Variants in SEMA5A observed in about 807,000 individuals in gnomAD.
The protein encoded by SEMA5A is semaphorin-5A.
Under a neutral mutation model 135.5 loss-of-function variants are expected in SEMA5A, and 55 were observed. The ratio of observed to expected loss-of-function variants is 0.41; its 90% CI spans 0.33 to 0.51. The LOEUF (loss-of-function observed/expected upper bound fraction) is 0.51, where lower values mean the gene tolerates loss of function less well. Among genes scored for constraint, SEMA5A ranks in the 20% least tolerant of loss-of-function variants. The pLI is 0.37. For synonymous variants in SEMA5A, 580 were observed against 546.5 expected, an observed-to-expected ratio of 1.06 and a Z score of -0.85; for missense variants, 1,290 against 1,419.9, an observed-to-expected ratio of 0.91 and a Z score of 1.47.
Position 9,050,478 on chromosome 5 carries a change from TCA to T in SEMA5A, c.2846-23_2846-22del, listed in dbSNP as rs759286431. ...TACTTCTGGAAAAAGAAAAGTCGAATCACAATGTGTAAAAGGTGTTCAGAAGA... is the reference window on the plus strand; with the variant it reads ...TACTTCTGGAAAAAGAAAAGTCGAATCAATGTGTAAAAGGTGTTCAGAAGA... On this transcript the variant is annotated intron_variant, in intron 20 of 22. Transcript: ENST00000382496. The T allele has an allele frequency of 1.9e-6, 3 of 1,609,608 alleles. No homozygotes were observed. In the African/African-American group the frequency reaches 4.0e-5, roughly 22 times the overall value.
At position 9,036,124 on chromosome 5, in the gene SEMA5A, T is replaced by C. The variant is rs895343063; in HGVS notation, c.*6773A>G. The stretch of plus-strand genomic sequence containing the variant: ...TATGCACTTTTGAAGAATCCAACAT[T>C]GGACCAAAAGTTTGTGCATTTTCTT... On this transcript the variant is annotated 3_prime_UTR_variant, in exon 23 of 23. Transcript: ENST00000382496. 3.9e-5 allele frequency: 6 copies of C among 152,148 alleles called. No homozygotes were observed. The highest frequency in any genetic ancestry group is 1.4e-4 in the African/African-American group (6 of 41,436). 9.4% of individuals were successfully genotyped at this position (152,148 alleles called of 1,614,324 possible).
chr5:9,145,026 C>CTT (rs34003876), intron 12 of SEMA5A, among the ~76,000 whole-genome samples: 18 of 149,236 alleles, frequency 1.2e-4, no homozygotes, highest in East Asian at 5.9e-4. Flanking sequence ...GTCATTTTTA[C>CTT]TTTTTTTTTT....
At chr5:9,337,266 T>C (rs770442745) in intron 4 of SEMA5A, among the ~76,000 whole-genome samples, 1 of 152,216 alleles carries the variant, frequency 6.6e-6, no homozygotes, top group Non-Finnish European at 1.5e-5. Context: ...TCTGGATCTC[T>C]AGAATCCTAC....
At chr5:9,275,410 G>A (rs547725440) in intron 5 of SEMA5A, among the ~76,000 whole-genome samples, 1 of 152,202 alleles carries the variant, frequency 6.6e-6, no homozygotes, top group African/African-American at 2.4e-5. Context: ...GGTACAAAGA[G>A]AAGCTGGTAC....
At chr5:9,058,660 T>C (rs1737021274) in intron 18 of SEMA5A, among the ~76,000 whole-genome samples, 1 of 152,178 alleles carries the variant, frequency 6.6e-6, no homozygotes, top group Admixed American at 6.5e-5. Flanking sequence ...CAATGTACAA[T>C]TGCCAGAGAC....
At chr5:9,447,342 T>C (rs1204186214) in intron 1 of SEMA5A, among the ~76,000 whole-genome samples, 2 of 152,206 alleles carry the variant, frequency 1.3e-5, no homozygotes. Context: ...CGTTTTGCCT[T>C]GGAAGACAAA....
At chr5:9,087,539 ATATT>A (rs1380452722) in intron 16 of SEMA5A, among the ~76,000 whole-genome samples, 1 of 151,276 alleles carries the variant, frequency 6.6e-6, no homozygotes, top group Non-Finnish European at 1.5e-5. Context: ...TATTTTTATT[ATATT>A]TATTTATTTT....
At chr5:9,311,486 C>G (rs894871211) in intron 5 of SEMA5A, among the ~76,000 whole-genome samples, 1 of 150,716 alleles carries the variant, frequency 6.6e-6, no homozygotes, top group Admixed American at 6.7e-5. Flanking sequence ...AGTAAACTAT[C>G]GCAAGGACAA....
intron 16 of SEMA5A, among the ~76,000 whole-genome samples, chr5:9,106,269 T>A (rs1739910716): frequency 6.6e-6 from 1 of 152,222 alleles, no homozygotes; most frequent in Non-Finnish European, 1.5e-5. Flanking sequence ...TTACATTTGT[T>A]TCATAAACTG....
intron 11 of SEMA5A, among the ~76,000 whole-genome samples, chr5:9,162,582 A>G (rs868009115): frequency 8.0e-6 from 1 of 125,022 alleles, no homozygotes; most frequent in African/African-American, 3.7e-5. Context: ...ATATATATAT[A>G]TATACACACA....
Position 9,108,153 on chromosome 5 carries a change from G to C in SEMA5A, c.2060C>G (p.Ala687Gly). 1 of 1,614,042 alleles carries C rather than the reference G, an allele frequency of 6.2e-7. No individual in the cohort carries two copies. Among genetic ancestry groups the C allele is most frequent in the Non-Finnish European group, 8.5e-7 (1 of 1,179,958 alleles). ...RRICENGPDC[A>G]GCNVEYQSCN... ...AAGGCTACTCACCACATTGCAGCCT[G>C]CACAGTCAGGCCCATTCTCACAGAT... The change falls in exon 16 of 23, where the codon GCA (alanine) becomes GGA (glycine). Residue 687 changes from alanine to glycine, a missense_variant. By Grantham distance (60) the Ala-to-Gly change is moderately conservative. This residue lies in a region of SEMA5A where 1,029 missense variants were observed against 1,086.6 expected (regional missense o/e 0.95). Coordinates refer to ENST00000382496, the MANE Select transcript of SEMA5A (RefSeq NM_003966.3).
intron 10 of SEMA5A, among the ~76,000 whole-genome samples, chr5:9,192,214 A>G (rs1172499269): frequency 6.6e-6 from 1 of 152,252 alleles, no homozygotes; most frequent in Non-Finnish European, 1.5e-5. Context: ...GAATCAGGTG[A>G]GTGGCAGCTG....
At chr5:9,297,698 G>A (rs1185858839) in intron 5 of SEMA5A, among the ~76,000 whole-genome samples, 1 of 150,596 alleles carries the variant, frequency 6.6e-6, no homozygotes, top group Non-Finnish European at 1.5e-5. Context: ...GGGACTACAG[G>A]TACATGCCAC....
At chr5:9,318,275 TG>T in intron 5 of SEMA5A, 96 bp downstream of exon 5, 1 of 1,207,782 alleles carries the variant, frequency 8.3e-7, no homozygotes, top group Non-Finnish European at 1.2e-6. Flanking sequence ...CTGCTCAGGC[TG>T]GATTAACACC....
chr5:9,183,792 C>T (rs918254330), intron 11 of SEMA5A, among the ~76,000 whole-genome samples: 43 of 152,196 alleles, frequency 2.8e-4, no homozygotes, highest in African/African-American at 9.9e-4. Context: ...GGTTTTTGTT[C>T]TGATTTTCTT....
chr5:9,404,135 T>C (rs1756782749), intron 2 of SEMA5A, among the ~76,000 whole-genome samples: 1 of 152,178 alleles, frequency 6.6e-6, no homozygotes, highest in Non-Finnish European at 1.5e-5. Flanking sequence ...GGTTTCACCA[T>C]GTTGGCTAGG....
At chr5:9,288,146 G>A (rs1419113834) in intron 5 of SEMA5A, among the ~76,000 whole-genome samples, 1 of 152,150 alleles carries the variant, frequency 6.6e-6, no homozygotes, top group Non-Finnish European at 1.5e-5. Flanking sequence ...ATGAATCAAG[G>A]GTTCTATAGG....
At chr5:9,480,397 C>T (rs114081238) in intron 1 of SEMA5A, among the ~76,000 whole-genome samples, 1,773 of 152,130 alleles carry the variant, frequency 0.012, 28 homozygotes, top group African/African-American at 0.038. Flanking sequence ...GAATATTAAC[C>T]GCCTAAGGCA....
intron 1 of SEMA5A, among the ~76,000 whole-genome samples, chr5:9,494,485 A>G (rs1735200101): frequency 6.6e-6 from 1 of 152,180 alleles, no homozygotes; most frequent in Non-Finnish European, 1.5e-5. Context: ...GTGGCTCCCC[A>G]ACGCGGCTGC....
Sources: allele counts gnomAD v4.1 joint callset (sites outside exome capture counted in the v4.1 genomes callset), GRCh38; gene constraint gnomAD v4.1.1; regional missense constraint gnomAD v4.1.1; transcripts MANE v1.5; gene names NCBI Gene and HGNC (gene_info 2026-07-23, HGNC 2026-07-21).